Variants in CASC3 observed in about 807,000 individuals in gnomAD.
CASC3 encodes CASC3 exon junction complex subunit.
A neutral mutation model predicts 80.5 loss-of-function variants in CASC3; 30 were observed. The observed-to-expected ratio is 0.37, with a 90% CI of 0.28 to 0.51. The LOEUF (loss-of-function observed/expected upper bound fraction) is 0.51. Ranked by LOEUF, CASC3 falls within the 20% of genes least tolerant of loss-of-function variation. The pLI is 0.94. For missense variants in CASC3, 824 were observed against 922.2 expected, an observed-to-expected ratio of 0.89 and a Z score of 1.38; for synonymous variants, 312 against 333.6, an observed-to-expected ratio of 0.94 and a Z score of 0.70.
At chr17:40,165,618 A>G (rs1989428065) in intron 7 of CASC3, among the ~76,000 whole-genome samples, 2 of 152,218 alleles carry the variant, frequency 1.3e-5, no homozygotes, top group Non-Finnish European at 2.9e-5. Flanking sequence ...ATTTTGATCA[A>G]GATCTTCTCT....
Position 40,163,933 on chromosome 17 carries a change from A to G in CASC3, c.1238A>G (p.Lys413Arg). Residue 413 changes from lysine (K) to arginine (R), a missense_variant, in exon 7 of 14, where the codon AAA becomes AGA. This residue lies in a region of CASC3 where 464 missense variants were observed against 506.0 expected (regional missense o/e 0.92). Coordinates refer to ENST00000264645, the MANE Select transcript of CASC3 (RefSeq NM_007359.5). ...SYSRARRTRT[K>R]VGDAVKLAEE... Reference sequence around the variant, plus strand: ...TCCCGGGCAAGAAGAACTCGAACCAAAGTTGGAGATGCAGTCAAGCTTGCA... The same window carrying G: ...TCCCGGGCAAGAAGAACTCGAACCAGAGTTGGAGATGCAGTCAAGCTTGCA... 1 of 1,614,040 alleles carries G rather than the reference A, an allele frequency of 6.2e-7. No individual in the cohort carries two copies. The highest frequency in any genetic ancestry group is 8.5e-7 in the Non-Finnish European group (1 of 1,180,000).
In CASC3 at chr17:40,162,834, T is replaced by G; in HGVS notation, c.718T>G (p.Tyr240Asp). The change falls in exon 6 of 14, where the codon TAT becomes GAT. Residue 240 changes from tyrosine to aspartate, a missense_variant. This residue lies in a region of CASC3 where 201 missense variants were observed against 294.1 expected (regional missense o/e 0.68). Coordinates refer to ENST00000264645, the MANE Select transcript of CASC3 (RefSeq NM_007359.5). ...GTCCCGACAGGAGCTCATTGCTCTTTATGGTTATGACATTCGCTCAGCTCA... is the reference window on the plus strand; with the variant it reads ...GTCCCGACAGGAGCTCATTGCTCTTGATGGTTATGACATTCGCTCAGCTCA... ...PKSRQELIAL[Y>D]GYDIRSAHNP... 1 of 1,614,150 alleles carries G rather than the reference T, an allele frequency of 6.2e-7. No homozygotes were observed. The highest frequency in any genetic ancestry group is 8.5e-7 in the Non-Finnish European group (1 of 1,180,026).
intron 8 of CASC3, 28 bp downstream of exon 8, chr17:40,166,889 G>A: frequency 1.3e-6 from 2 of 1,541,256 alleles, no homozygotes; most frequent in African/African-American, 1.4e-5. Flanking sequence ...GGTAGATGGG[G>A]GAGGGAGCTG....
intron 3 of CASC3, among the ~76,000 whole-genome samples, chr17:40,151,777 C>T (rs1989016448): frequency 6.6e-6 from 1 of 151,126 alleles, no homozygotes; most frequent in Non-Finnish European, 1.5e-5. Flanking sequence ...AATCTACTTT[C>T]TGTCTCTGTT....
intron 3 of CASC3, among the ~76,000 whole-genome samples, chr17:40,153,434 A>G (rs1326987916): frequency 6.6e-6 from 1 of 152,158 alleles, no homozygotes; most frequent in Non-Finnish European, 1.5e-5. Flanking sequence ...TCTTTTGGTT[A>G]TTATGAATAA....
rs558017280 is a variant in CASC3, at chr17:40,151,964, A to G, written c.298-9789A>G. ...GGTATAACTCACAAATAAAAATTGT[A>G]TACATTTAACACATACAGTGTGGCA... On this transcript the variant is annotated intron_variant, in intron 3 of 13. Coordinates refer to ENST00000264645, the MANE Select transcript of CASC3 (RefSeq NM_007359.5). Among the ~76,000 whole-genome samples, 12 of 152,284 alleles carry G rather than the reference A, an allele frequency of 7.9e-5. No homozygotes were observed. In the South Asian group the frequency reaches 2.5e-3, roughly 32 times the overall value.
chr17:40,165,852 G>A (rs1334853517), intron 7 of CASC3, among the ~76,000 whole-genome samples: 1 of 147,932 alleles, frequency 6.8e-6, no homozygotes, highest in Admixed American at 6.8e-5. Flanking sequence ...TGCAACCTCC[G>A]CCTCCAGGGC....
At chr17:40,167,706 C>T in intron 9 of CASC3, 94 bp downstream of exon 9, 1 of 1,237,562 alleles carries the variant, frequency 8.1e-7, no homozygotes, top group South Asian at 1.2e-5. Context: ...CTTCTGACCT[C>T]TTATAGTGGT....
chr17:40,160,397 A>T (rs1449083611), intron 3 of CASC3, among the ~76,000 whole-genome samples: 1 of 152,054 alleles, frequency 6.6e-6, no homozygotes, highest in African/African-American at 2.4e-5. Context: ...TGGGAGGCTG[A>T]GGTGGGAGGA....
intron 3 of CASC3, among the ~76,000 whole-genome samples, chr17:40,142,137 T>G (rs1988733920): frequency 6.6e-6 from 1 of 152,202 alleles, no homozygotes. Context: ...AGTGGACTCC[T>G]GAGTTCTGGT....
chr17:40,171,503 C>G lies in CASC3; in HGVS notation c.*1098C>G, dbSNP rs1989592748. 1.0e-6 allele frequency: 1 copy of G among 987,948 alleles called. No homozygotes were observed. Among genetic ancestry groups the G allele is most frequent in the Non-Finnish European group, 1.2e-6 (1 of 831,192 alleles). 61.2% of individuals were successfully genotyped at this position (987,948 alleles called of 1,614,324 possible). A position where few individuals can be genotyped will look rare whatever the true frequency, so the allele number is the denominator to read the frequency against. On this transcript the variant is annotated 3_prime_UTR_variant, in exon 14 of 14. Transcript: ENST00000264645. ...GCTCTTCTCCACGTCTTTCCTGCTA[C>G]AAGTGTTTTAGATGTTACTACCTTA...
At position 40,167,993 on chromosome 17, in the gene CASC3, A is replaced by G. The variant is rs374677677; in HGVS notation, c.1750+45A>G. 16 of 1,568,496 alleles carry G rather than the reference A, an allele frequency of 1.0e-5. No individual in the cohort carries two copies. The African/African-American group carries it at 1.6e-4, about 16-fold the overall frequency. ...TTATATGCTTCCAGTACCTGAGGAT[A>G]TATGTTGGGAGTGCCACAAAACCCA... On this transcript the variant is annotated intron_variant, in intron 10 of 13. Transcript: ENST00000264645.
chr17:40,141,701 G>T, intron 3 of CASC3, 94 bp downstream of exon 3: 1 of 913,442 alleles, frequency 1.1e-6, no homozygotes, highest in Non-Finnish European at 1.8e-6. Flanking sequence ...TGACCTCCGT[G>T]TTTATCCTCT....
intron 3 of CASC3, among the ~76,000 whole-genome samples, chr17:40,146,539 C>T (rs1274815198): frequency 6.6e-6 from 1 of 151,158 alleles, no homozygotes; most frequent in Non-Finnish European, 1.5e-5. Flanking sequence ...CGGGTTCAAG[C>T]GATTCTCGTG....
intron 3 of CASC3, among the ~76,000 whole-genome samples, chr17:40,149,929 A>G (rs1988957434): frequency 6.6e-6 from 1 of 152,216 alleles, no homozygotes; most frequent in Admixed American, 6.5e-5. Context: ...AAGGGAAAAA[A>G]AAGAGGGAAT....
chr17:40,162,789 G>C lies in CASC3; in HGVS notation c.673G>C (p.Glu225Gln). ...EGRWEHDKFR[E>Q]DEQAPKSRQE... ...TCGCTGGGAGCATGACAAGTTCCGG[G>C]AAGATGAGCAGGCCCCAAAGTCCCG... Residue 225 changes from glutamate (E) to glutamine (Q), a missense_variant, in exon 6 of 14, where the codon GAA becomes CAA. This residue lies in a region of CASC3 where 201 missense variants were observed against 294.1 expected (regional missense o/e 0.68). Transcript: ENST00000264645. 1 of 1,614,120 alleles carries C rather than the reference G, an allele frequency of 6.2e-7. No homozygotes were observed. Among genetic ancestry groups the C allele is most frequent in the Non-Finnish European group, 8.5e-7 (1 of 1,180,034 alleles).
chr17:40,157,879 A>G (rs1989192636), intron 3 of CASC3, among the ~76,000 whole-genome samples: 1 of 152,192 alleles, frequency 6.6e-6, no homozygotes, highest in South Asian at 2.1e-4. Context: ...GAGAAAAGAA[A>G]ATGTTATTAA....
chr17:40,151,487 C>T (rs926772489), intron 3 of CASC3, among the ~76,000 whole-genome samples: 5 of 152,032 alleles, frequency 3.3e-5, no homozygotes, highest in Non-Finnish European at 7.4e-5. Context: ...GCTGGGATTA[C>T]AGGCGTAAGT....
intron 7 of CASC3, among the ~76,000 whole-genome samples, chr17:40,165,983 G>A (rs922718872): frequency 6.6e-6 from 1 of 151,082 alleles, no homozygotes; most frequent in African/African-American, 2.4e-5. Context: ...TTTCCAGGCT[G>A]GTCTTGAACT....
Sources: allele counts gnomAD v4.1 joint callset (sites outside exome capture counted in the v4.1 genomes callset), GRCh38; gene constraint gnomAD v4.1.1; regional missense constraint gnomAD v4.1.1; transcripts MANE v1.5; gene names NCBI Gene and HGNC (gene_info 2026-07-23, HGNC 2026-07-21).